Variants in PHF21A observed in about 807,000 individuals in gnomAD.
The protein encoded by PHF21A is PHD finger protein 21A, also known as BHC80a.
A neutral mutation model predicts 82.5 loss-of-function variants in PHF21A; 11 were observed. That is an observed-to-expected ratio of 0.13 (90% CI 0.08 to 0.22). The LOEUF (loss-of-function observed/expected upper bound fraction) is 0.22. Ranked by LOEUF, PHF21A falls within the 10% of genes least tolerant of loss-of-function variation. The pLI, the probability that PHF21A is intolerant of heterozygous loss-of-function variation, is 1.00. For missense variants in PHF21A, 579 were observed against 837.8 expected, an observed-to-expected ratio of 0.69 and a Z score of 3.81; for synonymous variants, 297 against 302.8, an observed-to-expected ratio of 0.98 and a Z score of 0.20.
intron 3 of PHF21A, among the ~76,000 whole-genome samples, chr11:46,086,102 C>T (rs535543146): frequency 2.8e-4 from 43 of 151,744 alleles, no homozygotes; most frequent in Admixed American, 5.9e-4. Flanking sequence ...GTGAACAAAT[C>T]TGGGTAGTTT....
chr11:45,963,787 GCAAAACAACAGGTCCC>G (rs1440423757), intron 10 of PHF21A, among the ~76,000 whole-genome samples: 15 of 152,170 alleles, frequency 9.9e-5, no homozygotes, highest in African/African-American at 3.6e-4. Context: ...GAGAGCCAGT[GCAAAACAACAGGTCCC>G]CACCCAAACT....
chr11:45,985,989 A>C (rs1172778562), intron 6 of PHF21A, among the ~76,000 whole-genome samples: 1 of 152,022 alleles, frequency 6.6e-6, no homozygotes, highest in Non-Finnish European at 1.5e-5. Flanking sequence ...TGGATGTTTA[A>C]CAGATGGCAA....
At chr11:46,072,881 T>C (rs181715489) in intron 6 of PHF21A, among the ~76,000 whole-genome samples, 2 of 152,236 alleles carry the variant, frequency 1.3e-5, no homozygotes, top group African/African-American at 2.4e-5. Flanking sequence ...AATGTTAAGA[T>C]TGCCTCTACA....
Position 46,014,841 on chromosome 11 carries a change from G to A in PHF21A, c.154-34875C>T, listed in dbSNP as rs1312350825. On this transcript the variant is annotated intron_variant, in intron 6 of 18. Coordinates refer to ENST00000676320, the MANE Select transcript of PHF21A (RefSeq NM_001352027.3). ...TAAAAATACAAAAAATTAGCTGGGCGTAGTGGCGGGCGCCTGTAGTCCCAG... is the reference window on the plus strand; with the variant it reads ...TAAAAATACAAAAAATTAGCTGGGCATAGTGGCGGGCGCCTGTAGTCCCAG... 6.0e-4 allele frequency among the ~76,000 whole-genome samples: 59 copies of A among 98,888 alleles called. 14 individuals are homozygous for A. The highest frequency in any genetic ancestry group is 4.3e-3 in the Middle Eastern group (1 of 232). 64.9% of individuals were successfully genotyped at this position (98,888 alleles called of 152,430 possible). A position where few individuals can be genotyped will look rare whatever the true frequency, so the allele number is the denominator to read the frequency against.
rs138242314 is a variant in PHF21A, at chr11:45,934,201, T to C, written c.1813A>G (p.Ile605Val). ...ISKCMEMKNT[I>V]LARQKEMHSS... is the part of the protein sequence containing the mutation. Reference sequence around the variant, plus strand: ...TGCATCTCCTTCTGCCGGGCCAGGATGGTGTTCTTCATTTCCATGCATTTC... The same window carrying C: ...TGCATCTCCTTCTGCCGGGCCAGGACGGTGTTCTTCATTTCCATGCATTTC... The change falls in exon 19 of 19, where the codon ATC becomes GTC. Residue 605 changes from isoleucine to valine, a missense_variant. Physicochemically the swap from Ile to Val is conservative, Grantham distance 29 (BLOSUM62 3). This residue lies in a region of PHF21A where 157 missense variants were observed against 149.4 expected (regional missense o/e 1.05). Transcript: ENST00000676320. 2.1e-3 allele frequency: 3,428 copies of C among 1,613,616 alleles called. 6 individuals are homozygous for C. The highest frequency in any genetic ancestry group is 2.7e-3 in the Non-Finnish European group (3,136 of 1,179,992).
intron 15 of PHF21A, among the ~76,000 whole-genome samples, chr11:45,943,947 A>G (rs2090858768): frequency 6.6e-6 from 1 of 152,222 alleles, no homozygotes; most frequent in Non-Finnish European, 1.5e-5. Context: ...GAGGCATTCT[A>G]CAGAAGAACT....
At chr11:46,089,802 G>A (rs1263476828) in intron 3 of PHF21A, among the ~76,000 whole-genome samples, 1 of 111,032 alleles carries the variant, frequency 9.0e-6, no homozygotes, top group Non-Finnish European at 1.7e-5. Flanking sequence ...ATTTGTTTTG[G>A]AGGGGGTGGG....
Position 45,971,177 on chromosome 11 carries a change from C to T in PHF21A, c.551G>A (p.Ser184Asn). 6.2e-7 allele frequency: 1 copy of T among 1,614,228 alleles called. No individual in the cohort carries two copies. The highest frequency in any genetic ancestry group is 8.5e-7 in the Non-Finnish European group (1 of 1,180,036). ...CTCTGCCCCAGGCCCAGTGACCTTA[C>T]TAGACGTCTGGAGGTTGACTGGTGT... ...QNTPVNLQTS[S>N]KVTGPGAEAV... Residue 184 changes from serine (S) to asparagine (N), a missense_variant, in exon 8 of 19, where the codon AGT (serine) becomes AAT (asparagine). Physicochemically the swap from Ser to Asn is conservative, Grantham distance 46. Coordinates refer to ENST00000676320, the MANE Select transcript of PHF21A (RefSeq NM_001352027.3).
chr11:46,108,628 A>G (rs1289082306), intron 1 of PHF21A, among the ~76,000 whole-genome samples: 1 of 150,744 alleles, frequency 6.6e-6, no homozygotes, highest in Non-Finnish European at 1.5e-5. Context: ...TAAAAGTAGG[A>G]TGAGAACGGA....
intron 7 of PHF21A, among the ~76,000 whole-genome samples, chr11:45,978,171 G>A (rs959461819): frequency 4.7e-4 from 72 of 151,918 alleles, no homozygotes; most frequent in African/African-American, 1.2e-3. Context: ...ATGGTGGCAC[G>A]CGCCTGTAGT....
intron 6 of PHF21A, among the ~76,000 whole-genome samples, chr11:46,065,773 G>T (rs1183602290): frequency 1.3e-5 from 2 of 152,198 alleles, no homozygotes; most frequent in Non-Finnish European, 2.9e-5. Context: ...AAGCACTAGG[G>T]TATAAAGCGG....
At chr11:46,084,371 T>C in intron 3 of PHF21A, 69 bp from the exon 4 acceptor site, 2 of 530,600 alleles carry the variant, frequency 3.8e-6, no homozygotes, top group Non-Finnish European at 6.3e-6. Context: ...TTAAATAAAT[T>C]ATGTTAGTAA....
intron 6 of PHF21A, among the ~76,000 whole-genome samples, chr11:46,005,129 T>C (rs2095263539): frequency 6.6e-6 from 1 of 152,130 alleles, no homozygotes; most frequent in African/African-American, 2.4e-5. Flanking sequence ...AGTCCAAAAA[T>C]TCAGGTTGAG....
At chr11:46,009,701 C>T (rs758671691) in intron 6 of PHF21A, among the ~76,000 whole-genome samples, 1 of 152,310 alleles carries the variant, frequency 6.6e-6, no homozygotes, top group African/African-American at 2.4e-5. Flanking sequence ...GAGCAGACTT[C>T]CAACTTGGGC....
At chr11:46,106,820 C>G (rs796702985) in intron 1 of PHF21A, among the ~76,000 whole-genome samples, 1 of 152,214 alleles carries the variant, frequency 6.6e-6, no homozygotes, top group Admixed American at 6.5e-5. Flanking sequence ...GCAGCCCTTT[C>G]CCTTTTGGTC....
chr11:46,053,412 A>G (rs556755946), intron 6 of PHF21A, among the ~76,000 whole-genome samples: 83 of 152,300 alleles, frequency 5.4e-4, no homozygotes, highest in Admixed American at 1.5e-3. Context: ...TAAATGTGCT[A>G]TACTTTCAAC....
intron 6 of PHF21A, among the ~76,000 whole-genome samples, chr11:45,986,489 G>A (rs910084057): frequency 6.6e-6 from 1 of 152,102 alleles, no homozygotes; most frequent in Non-Finnish European, 1.5e-5. Flanking sequence ...AACATACGAC[G>A]ATGCTGCAGC....
intron 10 of PHF21A, among the ~76,000 whole-genome samples, chr11:45,954,775 A>G (rs1163986139): frequency 6.6e-6 from 1 of 152,266 alleles, no homozygotes; most frequent in East Asian, 1.9e-4. Flanking sequence ...AAAATGTGGA[A>G]GTAATGCTCC....
chr11:45,982,854 T>C (rs2094353410), intron 6 of PHF21A, among the ~76,000 whole-genome samples: 2 of 152,094 alleles, frequency 1.3e-5, no homozygotes, highest in Non-Finnish European at 2.9e-5. Context: ...AACATAAACA[T>C]GACACCTGCC....
Sources: allele counts gnomAD v4.1 joint callset (sites outside exome capture counted in the v4.1 genomes callset), GRCh38; gene constraint gnomAD v4.1.1; regional missense constraint gnomAD v4.1.1; transcripts MANE v1.5; gene names NCBI Gene and HGNC (gene_info 2026-07-23, HGNC 2026-07-21).